The following ABCA1 variants were observed in gnomAD, a reference collection of about 807,000 sequenced individuals.
The protein encoded by ABCA1 is ATP binding cassette subfamily A member 1.
ABCA1 carries 133 observed loss-of-function variants against 262.5 expected under a neutral mutation model. The observed-to-expected ratio is 0.51, with a 90% confidence interval of 0.44 to 0.59. The LOEUF (loss-of-function observed/expected upper bound fraction) is 0.59. Among genes scored for constraint, ABCA1 ranks in the 20% least tolerant of loss-of-function variants. ABCA1 has a pLI of 0.00. For missense variants in ABCA1, 2,452 were observed against 2,777.5 expected (o/e 0.88, Z 2.63); for synonymous variants, 1,022 against 1,043.5 (o/e 0.98, Z 0.40).
In ABCA1 at chr9:104,928,074, GC is replaced by G. The variant is rs1826493853; in HGVS notation, c.-233del. The G allele has an allele frequency of 6.6e-6, 1 of 152,260 alleles. No homozygotes were observed. 9.4% of individuals were successfully genotyped at this position (152,260 alleles called of 1,614,324 possible). A position where few individuals can be genotyped will look rare whatever the true frequency, so the allele number is the denominator to read the frequency against. ...GCTCTGTTGGTGCGCGGAGCTCCCC[GC>G]CCTGCCCTGCCGCAGCCCGGGAGAG... is the stretch of plus-strand genomic sequence containing the variant. On this transcript the variant is annotated 5_prime_UTR_variant, in exon 1 of 50. Coordinates refer to ENST00000374736, the MANE Select transcript of ABCA1 (RefSeq NM_005502.4).
intron 7 of ABCA1, among the ~76,000 whole-genome samples, chr9:104,858,008 G>GA (rs934923686): frequency 9.9e-5 from 15 of 152,264 alleles, no homozygotes; most frequent in Admixed American, 6.5e-4. Context: ...TTCCTAGGCT[G>GA]AAAAAACTTC....
chr9:104,903,722 G>C lies in ABCA1; in HGVS notation c.-43C>G. ...CCCCAGCGTGTGGCTCGGGAGCCCT[G>C]GAAGGCAGCGGCCAGAGCTCACAGC... On this transcript the variant is annotated 5_prime_UTR_variant, in exon 2 of 50. Transcript: ENST00000374736. 1 of 1,548,440 alleles carries C rather than the reference G, an allele frequency of 6.5e-7. No homozygotes were observed. The highest frequency in any genetic ancestry group is 8.8e-7 in the Non-Finnish European group (1 of 1,142,492).
Position 104,832,704 on chromosome 9 carries a change from G to A in ABCA1, c.1379C>T (p.Ala460Val). 1 of 1,614,180 alleles carries A rather than the reference G, an allele frequency of 6.2e-7. No individual in the cohort carries two copies. Among genetic ancestry groups the A allele is most frequent in the Non-Finnish European group, 8.5e-7 (1 of 1,180,042 alleles). The change falls in exon 12 of 50, where the codon GCC (alanine) becomes GTC (valine). Residue 460 changes from alanine to valine, a missense_variant. Around this residue, in one of 4 missense-constraint regions of ABCA1, gnomAD observed 1,032 missense variants for 1,089.7 expected, o/e 0.95. Coordinates refer to ENST00000374736, the MANE Select transcript of ABCA1 (RefSeq NM_005502.4). ...GGCCAAAAACGCCACGATGTCTTGG[G>A]CTGTCCAATCTAAGCCATCCAACTG... Reference protein sequence around the residue: ...EQQLDGLDWTAQDIVAFLAKH... With the variant: ...EQQLDGLDWTVQDIVAFLAKH...
At chr9:104,880,722 G>A (rs896101518) in intron 5 of ABCA1, among the ~76,000 whole-genome samples, 12 of 152,230 alleles carry the variant, frequency 7.9e-5, no homozygotes, top group African/African-American at 2.9e-4. Flanking sequence ...TGCGTGAACA[G>A]AGAGATGTAA....
At chr9:104,789,964 C>T (rs1311573400) in intron 44 of ABCA1, among the ~76,000 whole-genome samples, 4 of 152,020 alleles carry the variant, frequency 2.6e-5, no homozygotes, top group African/African-American at 4.8e-5. Flanking sequence ...GGCATTGTGG[C>T]GGGCACCTGT....
chr9:104,801,785 C>G (rs1331157114), intron 34 of ABCA1, among the ~76,000 whole-genome samples: 1 of 152,166 alleles, frequency 6.6e-6, no homozygotes, highest in Non-Finnish European at 1.5e-5. Flanking sequence ...CTCAAGTGAT[C>G]CACCCGCTTC....
At chr9:104,831,483 C>T in intron 13 of ABCA1, 139 bp downstream of exon 13, 1 of 719,530 alleles carries the variant, frequency 1.4e-6, no homozygotes, top group Non-Finnish European at 2.2e-6. Flanking sequence ...TCACCAAAAT[C>T]ATGACACCAA....
intron 7 of ABCA1, among the ~76,000 whole-genome samples, chr9:104,849,113 T>C (rs1835153988): frequency 6.6e-6 from 1 of 152,196 alleles, no homozygotes; most frequent in Admixed American, 6.5e-5. Context: ...TCCAACATCT[T>C]TAGGACTTTT....
In ABCA1 at chr9:104,782,547, A is replaced by T. The variant is rs535255845; in HGVS notation, c.*1768T>A. ...TAAGTATTAGTGAAACAGTATTTTT[A>T]CAAATGTTTACTGACTAGAAAAATA... On this transcript the variant is annotated 3_prime_UTR_variant, in exon 50 of 50. Coordinates refer to ENST00000374736, the MANE Select transcript of ABCA1 (RefSeq NM_005502.4). 26 of 152,304 alleles carry T rather than the reference A, an allele frequency of 1.7e-4. 1 individual carries two copies. Among genetic ancestry groups the T allele is most frequent in the South Asian group, 1.7e-3 (8 of 4,830 alleles). The allele number at this position is 152,304 out of a possible 1,614,324, so 9.4% of individuals were successfully genotyped here.
intron 25 of ABCA1, 124 bp from the exon 26 acceptor site, chr9:104,814,599 A>G (rs1446640378): frequency 2.0e-6 from 2 of 978,088 alleles, no homozygotes; most frequent in African/African-American, 1.6e-5. Context: ...TAGAAGCCAC[A>G]TTTCTTAATA....
At chr9:104,833,277 GC>G (rs1833510585) in intron 11 of ABCA1, among the ~76,000 whole-genome samples, 1 of 152,172 alleles carries the variant, frequency 6.6e-6, no homozygotes, top group Non-Finnish European at 1.5e-5. Flanking sequence ...GACCTCCCAA[GC>G]CCAAGTGATC....
At position 104,794,264 on chromosome 9, in the gene ABCA1, A is replaced by T; in HGVS notation, c.5506+123T>A. 2.7e-6 allele frequency: 4 copies of T among 1,460,374 alleles called. No homozygotes were observed. The Admixed American group carries it at 6.7e-5, about 25-fold the overall frequency. The allele number at this position is 1,460,374 out of a possible 1,614,324, so 90.5% of individuals were successfully genotyped here. ...GTTGGCATGAGCCCTGTCACTGGGC[A>T]TGGGGGTGGGGGAACATCCTGTGCT... On this transcript the variant is annotated intron_variant, in intron 40 of 49. Transcript: ENST00000374736.
In ABCA1 at chr9:104,837,199, G is replaced by A. The variant is rs1256366955; in HGVS notation, c.1195-103C>T. Reference sequence around the variant, plus strand: ...AAAGATACCCCATCACAGCAGCCCTGTGCCAGTCCTCCCCATCCCCAAGAA... The same window carrying A: ...AAAGATACCCCATCACAGCAGCCCTATGCCAGTCCTCCCCATCCCCAAGAA... On this transcript the variant is annotated intron_variant, in intron 10 of 49. Coordinates refer to ENST00000374736, the MANE Select transcript of ABCA1 (RefSeq NM_005502.4). 4.5e-6 allele frequency: 5 copies of A among 1,105,472 alleles called. No individual in the cohort carries two copies. In the East Asian group the frequency reaches 9.7e-5, roughly 21 times the overall value. 68.5% of individuals were successfully genotyped at this position (1,105,472 alleles called of 1,614,324 possible). A position where few individuals can be genotyped will look rare whatever the true frequency, so the allele number is the denominator to read the frequency against.
chr9:104,803,399 C>A, intron 32 of ABCA1, 83 bp from the exon 33 acceptor site: 6 of 1,330,456 alleles, frequency 4.5e-6, no homozygotes, highest in Non-Finnish European at 6.5e-6. Flanking sequence ...AAATATCCAC[C>A]TGAGGATATA....
chr9:104,827,139 T>A lies in ABCA1; in HGVS notation c.2146A>T (p.Ser716Cys). Residue 716 changes from serine to cysteine, a missense_variant, in exon 16 of 50, where the codon AGC (serine) becomes TGC (cysteine). By Grantham distance (112) the Ser-to-Cys change is moderately radical. This residue lies in a region of ABCA1 where 1,032 missense variants were observed against 1,089.7 expected (regional missense o/e 0.95). Coordinates refer to ENST00000374736, the MANE Select transcript of ABCA1 (RefSeq NM_005502.4). ...LGNLLPYSDPSVVFVFLSVFA... is the reference protein window; with the variant it reads ...LGNLLPYSDPCVVFVFLSVFA... ...ACGGACAGGAAGACAAACACCACGC[T>A]GGGATCACTGTAGGGCAGCAGGTTT... 2.5e-6 allele frequency: 4 copies of A among 1,614,186 alleles called. No individual in the cohort carries two copies. The highest frequency in any genetic ancestry group is 2.5e-6 in the Non-Finnish European group (3 of 1,180,040).
At position 104,821,241 on chromosome 9, in the gene ABCA1, C is replaced by CA. The variant is rs892507063; in HGVS notation, c.2960+133dup. On this transcript the variant is annotated intron_variant, in intron 20 of 49. Transcript: ENST00000374736. ...CTGGCTACAGAGCGAGACTCCATCT[C>CA]AAAAAAATAAAAAAGAAAAAAAGAA... The CA allele has an allele frequency of 1.2e-5, 16 of 1,295,998 alleles. No homozygotes were observed. In the Admixed American group the frequency reaches 3.1e-4, roughly 25 times the overall value. 80.3% of individuals were successfully genotyped at this position (1,295,998 alleles called of 1,614,324 possible). A position where few individuals can be genotyped will look rare whatever the true frequency, so the allele number is the denominator to read the frequency against.
In ABCA1 at chr9:104,809,452, A is replaced by T; in HGVS notation, c.4274+14T>A. The T allele has an allele frequency of 6.2e-7, 1 of 1,613,372 alleles. No homozygotes were observed. The highest frequency in any genetic ancestry group is 8.5e-7 in the Non-Finnish European group (1 of 1,179,294). The stretch of plus-strand genomic sequence containing the variant: ...AAGCACAAGAAGCCTGCTTATGGCT[A>T]AAGTGGCACTCACGGGATTGGGTTT... On this transcript the variant is annotated intron_variant, in intron 30 of 49. Coordinates refer to ENST00000374736, the MANE Select transcript of ABCA1 (RefSeq NM_005502.4).
chr9:104,837,453 G>C lies in ABCA1; in HGVS notation c.1169C>G (p.Pro390Arg). ...VGKILYTPDT[P>R]ATRQVMAEVN... ...CTCAGCCATGACCTGCCTTGTGGCT[G>C]GAGTGTCAGGTGTATACAGGATCTT... Residue 390 changes from proline to arginine, a missense_variant, in exon 10 of 50, where the codon CCA becomes CGA. Pro to Arg is a moderately radical substitution (Grantham distance 103, BLOSUM62 -2). This residue lies in a region of ABCA1 where 1,032 missense variants were observed against 1,089.7 expected (regional missense o/e 0.95). Coordinates refer to ENST00000374736, the MANE Select transcript of ABCA1 (RefSeq NM_005502.4). 2 of 1,614,060 alleles carry C rather than the reference G, an allele frequency of 1.2e-6. No individual in the cohort carries two copies. Among genetic ancestry groups the C allele is most frequent in the Non-Finnish European group, 1.7e-6 (2 of 1,179,930 alleles).
In ABCA1 at chr9:104,784,137, T is replaced by C; in HGVS notation, c.*178A>G. The C allele has an allele frequency of 1.4e-6, 1 of 736,352 alleles. No homozygotes were observed. Among genetic ancestry groups the C allele is most frequent in the Admixed American group, 2.6e-5 (1 of 38,644 alleles). The allele number at this position is 736,352 out of a possible 1,614,324, so 45.6% of individuals were successfully genotyped here. ...ACATAGGCTACAAAGGCACTGCCCCTGTAATGGAATTTTGTTTTCATTGCA... is the reference window on the plus strand; with the variant it reads ...ACATAGGCTACAAAGGCACTGCCCCCGTAATGGAATTTTGTTTTCATTGCA... On this transcript the variant is annotated 3_prime_UTR_variant, in exon 50 of 50. Coordinates refer to ENST00000374736, the MANE Select transcript of ABCA1 (RefSeq NM_005502.4).
Sources: allele counts gnomAD v4.1 joint callset (sites outside exome capture counted in the v4.1 genomes callset), GRCh38; gene constraint gnomAD v4.1.1; regional missense constraint gnomAD v4.1.1; transcripts MANE v1.5; gene names NCBI Gene and HGNC (gene_info 2026-07-23, HGNC 2026-07-21).